The following XPR1 variants were observed in gnomAD, a reference collection of about 807,000 sequenced individuals.
The protein encoded by XPR1 is solute carrier family 53 member 1.
XPR1 carries 28 observed loss-of-function variants against 87.5 expected under a neutral mutation model. The observed-to-expected ratio is 0.32, with a 90% confidence interval of 0.24 to 0.44. The LOEUF is 0.44. Among genes scored for constraint, XPR1 ranks in the 20% least tolerant of loss-of-function variants. The pLI is 1.00. For synonymous variants in XPR1, 300 were observed against 306.1 expected, an observed-to-expected ratio of 0.98 and a Z score of 0.21; for missense variants, 559 against 862.3, an observed-to-expected ratio of 0.65 and a Z score of 4.41.
At chr1:180,687,653 C>G (rs1233488334) in intron 2 of XPR1, among the ~76,000 whole-genome samples, 1 of 152,038 alleles carries the variant, frequency 6.6e-6, no homozygotes, top group Admixed American at 6.6e-5. Context: ...GTTACTCAAA[C>G]AAATAAACAC....
intron 2 of XPR1, among the ~76,000 whole-genome samples, chr1:180,767,008 A>G (rs953384868): frequency 6.6e-6 from 1 of 152,196 alleles, no homozygotes; most frequent in African/African-American, 2.4e-5. Context: ...GCTCAGCTCA[A>G]AAGACAAAAA....
At chr1:180,784,692 T>TC (rs1421938222) in intron 2 of XPR1, among the ~76,000 whole-genome samples, 2 of 152,020 alleles carry the variant, frequency 1.3e-5, no homozygotes, top group Non-Finnish European at 2.9e-5. Flanking sequence ...ATTTTGAGTT[T>TC]CTTCTAAATT....
At chr1:180,842,001 G>T (rs957933567) in intron 11 of XPR1, among the ~76,000 whole-genome samples, 1 of 152,134 alleles carries the variant, frequency 6.6e-6, no homozygotes, top group African/African-American at 2.4e-5. Flanking sequence ...AGTGGAATTT[G>T]ATTTCTGTTA....
chr1:180,855,741 T>G (rs935279067), intron 11 of XPR1, among the ~76,000 whole-genome samples: 2 of 151,962 alleles, frequency 1.3e-5, no homozygotes, highest in African/African-American at 4.8e-5. Flanking sequence ...TAACTCAGCC[T>G]TTTCCTCTTT....
At chr1:180,684,106 C>T (rs1198380231) in intron 2 of XPR1, among the ~76,000 whole-genome samples, 1 of 152,178 alleles carries the variant, frequency 6.6e-6, no homozygotes, top group Admixed American at 6.5e-5. Flanking sequence ...TTAGGTCTGA[C>T]ATTTAAGTCT....
At chr1:180,752,459 T>C (rs910756639) in intron 2 of XPR1, among the ~76,000 whole-genome samples, 3 of 152,192 alleles carry the variant, frequency 2.0e-5, no homozygotes, top group Non-Finnish European at 4.4e-5. Flanking sequence ...CTGAGAGCTT[T>C]AGCAGTAACA....
chr1:180,695,013 A>G (rs1657116198), intron 2 of XPR1, among the ~76,000 whole-genome samples: 1 of 152,138 alleles, frequency 6.6e-6, no homozygotes, highest in South Asian at 2.1e-4. Context: ...ATTCCCACCA[A>G]CAGTGAATAA....
At chr1:180,769,382 T>G (rs1648413074) in intron 2 of XPR1, among the ~76,000 whole-genome samples, 1 of 151,702 alleles carries the variant, frequency 6.6e-6, no homozygotes, top group Non-Finnish European at 1.5e-5. Context: ...GTTTTTTTTT[T>G]TTGTATCAGT....
intron 2 of XPR1, among the ~76,000 whole-genome samples, chr1:180,711,748 T>C (rs1253038075): frequency 6.6e-6 from 1 of 152,254 alleles, no homozygotes; most frequent in African/African-American, 2.4e-5. Flanking sequence ...TTGTGGATTA[T>C]GTTTTTGGTC....
intron 1 of XPR1, among the ~76,000 whole-genome samples, chr1:180,669,089 A>T (rs1406174675): frequency 3.0e-5 from 4 of 132,240 alleles, no homozygotes; most frequent in African/African-American, 5.8e-5. Flanking sequence ...AACTCTGTCT[A>T]AAAAAAAAAA....
intron 1 of XPR1, among the ~76,000 whole-genome samples, chr1:180,669,619 C>T (rs1370327821): frequency 2.0e-5 from 3 of 152,122 alleles, no homozygotes; most frequent in East Asian, 1.9e-4. Flanking sequence ...GGCTTGGCCT[C>T]CCAAAGTGCT....
chr1:180,840,116 G>T (rs565490723), intron 11 of XPR1, among the ~76,000 whole-genome samples: 1 of 151,262 alleles, frequency 6.6e-6, no homozygotes, highest in Non-Finnish European at 1.5e-5. Flanking sequence ...CCAGCTACTC[G>T]GGAGGCTGAG....
intron 1 of XPR1, among the ~76,000 whole-genome samples, chr1:180,647,996 C>G (rs1033407008): frequency 6.6e-6 from 1 of 150,950 alleles, no homozygotes; most frequent in African/African-American, 2.4e-5. Context: ...CAATATGTGG[C>G]CACTAGTCAG....
intron 2 of XPR1, among the ~76,000 whole-genome samples, chr1:180,749,386 T>C (rs926158090): frequency 6.6e-6 from 1 of 152,202 alleles, no homozygotes; most frequent in Non-Finnish European, 1.5e-5. Flanking sequence ...AGTTATGATA[T>C]ATATCTTTGT....
chr1:180,672,506 T>G (rs964892729), intron 1 of XPR1, among the ~76,000 whole-genome samples: 15 of 152,208 alleles, frequency 9.9e-5, no homozygotes, highest in Non-Finnish European at 2.1e-4. Context: ...GTATGTTGAT[T>G]CTTTGTATAG....
At chr1:180,883,119 T>C (rs1431387731) in intron 14 of XPR1, among the ~76,000 whole-genome samples, 1 of 141,076 alleles carries the variant, frequency 7.1e-6, no homozygotes, top group African/African-American at 2.6e-5. Flanking sequence ...TGCACTATCA[T>C]ACCTGGCTTT....
At chr1:180,660,702 A>G (rs556126145) in intron 1 of XPR1, among the ~76,000 whole-genome samples, 1 of 150,842 alleles carries the variant, frequency 6.6e-6, no homozygotes, top group Non-Finnish European at 1.5e-5. Context: ...CGTTGTGGTC[A>G]GAGAAGATAA....
chr1:180,862,893 GACATT>G (rs1171005019), intron 11 of XPR1, among the ~76,000 whole-genome samples: 1 of 152,058 alleles, frequency 6.6e-6, no homozygotes, highest in Non-Finnish European at 1.5e-5. Context: ...CACACCTAGA[GACATT>G]TCACAATGGA....
At chr1:180,726,402 C>T (rs558787909) in intron 2 of XPR1, among the ~76,000 whole-genome samples, 2 of 152,282 alleles carry the variant, frequency 1.3e-5, no homozygotes, top group South Asian at 2.1e-4. Flanking sequence ...TGGGTCCCTA[C>T]CACCTTTAAG....
Sources: allele counts gnomAD v4.1 joint callset (sites outside exome capture counted in the v4.1 genomes callset), GRCh38; gene constraint gnomAD v4.1.1; transcripts MANE v1.5; gene names NCBI Gene and HGNC (gene_info 2026-07-23, HGNC 2026-07-21).